Variants in NCOR1 observed in about 807,000 individuals in gnomAD.
NCOR1 encodes the protein nuclear receptor corepressor 1, also known as protein phosphatase 1, regulatory subunit 109.
Under a neutral mutation model 288.1 loss-of-function variants are expected in NCOR1, and 63 were observed. That is an observed-to-expected ratio of 0.22 (90% CI 0.18 to 0.27). The LOEUF is 0.27. Among genes scored for constraint, NCOR1 ranks in the 10% least tolerant of loss-of-function variants. The pLI, the probability that NCOR1 is intolerant of heterozygous loss-of-function variation, is 1.00. For synonymous variants in NCOR1, 1,007 were observed against 1,065.9 expected (o/e 0.94, Z 1.08); for missense variants, 2,397 against 3,019.2 (o/e 0.79, Z 4.83).
At chr17:16,183,230 C>CAAAAAAAAAAAAAAAAAAAAAA (rs59665102) in intron 3 of NCOR1, among the ~76,000 whole-genome samples, 1 of 64,084 alleles carries the variant, frequency 1.6e-5, no homozygotes, top group African/African-American at 4.6e-5. Flanking sequence ...AGCAATCAAA[C>CAAAAAAAAAAAAAAAAAAAAAA]AAAAAAAAAA....
intron 2 of NCOR1, among the ~76,000 whole-genome samples, chr17:16,192,798 T>C (rs2088782947): frequency 6.6e-6 from 1 of 152,196 alleles, no homozygotes; most frequent in Non-Finnish European, 1.5e-5. Context: ...ATTTTACTTA[T>C]AATAATCAAA....
At chr17:16,126,299 AATG>A (rs2074030212) in intron 14 of NCOR1, 93 bp from the exon 15 acceptor site, 1 of 1,273,092 alleles carries the variant, frequency 7.9e-7, no homozygotes, top group Non-Finnish European at 1.0e-6. Context: ...AAAAATTTTA[AATG>A]ATTGTTAGTC....
At chr17:16,142,275 A>T (rs1000691595) in intron 11 of NCOR1, among the ~76,000 whole-genome samples, 1 of 152,208 alleles carries the variant, frequency 6.6e-6, no homozygotes, top group Non-Finnish European at 1.5e-5. Flanking sequence ...ATTTTAGATT[A>T]AATCCACTTC....
Position 16,168,794 on chromosome 17 carries a change from AACCTCGTCTCC to A in NCOR1, c.435+2998_435+3008del, listed in dbSNP as rs2082539886. On this transcript the variant is annotated intron_variant, in intron 4 of 45. Coordinates refer to ENST00000268712, the MANE Select transcript of NCOR1 (RefSeq NM_006311.4). Reference sequence around the variant, plus strand: ...GAGACCAGCCTGGCCAACATGGTGAAACCTCGTCTCCACTAAAAATACAAAAATTAGCTGAA... The same window carrying A: ...GAGACCAGCCTGGCCAACATGGTGAAACTAAAAATACAAAAATTAGCTGAA... Among the ~76,000 whole-genome samples, 3 of 152,050 alleles carry A rather than the reference AACCTCGTCTCC, an allele frequency of 2.0e-5. No individual in the cohort carries two copies. The South Asian group carries it at 6.2e-4, about 32-fold the overall frequency.
intron 11 of NCOR1, among the ~76,000 whole-genome samples, chr17:16,139,985 A>G (rs995865924): frequency 6.6e-6 from 1 of 152,236 alleles, no homozygotes; most frequent in Non-Finnish European, 1.5e-5. Context: ...CAGTTTGAAC[A>G]CTATAGTGTT....
chr17:16,183,856 C>A (rs763845881), intron 3 of NCOR1, among the ~76,000 whole-genome samples: 1 of 152,010 alleles, frequency 6.6e-6, no homozygotes, highest in Admixed American at 6.6e-5. Context: ...TTACAGTAAT[C>A]AAAACAATAT....
chr17:16,053,337 C>T (rs1200773467), intron 40 of NCOR1, among the ~76,000 whole-genome samples: 1 of 152,162 alleles, frequency 6.6e-6, no homozygotes, highest in Admixed American at 6.5e-5. Flanking sequence ...GAAACAACTT[C>T]AGCAAAGTCT....
In NCOR1 at chr17:16,074,782, A is replaced by AAAAAAT. The variant is rs370396154; in HGVS notation, c.3670+746_3670+751dup. ...AGAAAATATAACAAGAATACATCTA[A>AAAAAAT]AAAAATGTACATAGACATTAAAATA... is the stretch of plus-strand genomic sequence containing the variant. On this transcript the variant is annotated intron_variant, in intron 27 of 45. Transcript: ENST00000268712. Among the ~76,000 whole-genome samples, 1,243 of 152,210 alleles carry AAAAAAT rather than the reference A, an allele frequency of 8.2e-3. 15 individuals are homozygous for AAAAAAT. Among genetic ancestry groups the AAAAAAT allele is most frequent in the African/African-American group, 0.028 (1,171 of 41,456 alleles).
At chr17:16,208,204 C>CTTTTTT (rs1172728183) in intron 1 of NCOR1, among the ~76,000 whole-genome samples, 3 of 61,412 alleles carry the variant, frequency 4.9e-5, no homozygotes, top group African/African-American at 1.8e-4. Context: ...CCATGCCCAG[C>CTTTTTT]TATTTTTTTT....
chr17:16,207,027 C>A (rs571302326), intron 1 of NCOR1, among the ~76,000 whole-genome samples: 1 of 152,102 alleles, frequency 6.6e-6, no homozygotes, highest in Non-Finnish European at 1.5e-5. Context: ...TTCCTCCCCC[C>A]CAACAGAATG....
At chr17:16,131,417 C>CATTACTACTATATATAAATGA (rs2075616562) in intron 14 of NCOR1, among the ~76,000 whole-genome samples, 1 of 151,986 alleles carries the variant, frequency 6.6e-6, no homozygotes, top group Non-Finnish European at 1.5e-5. Flanking sequence ...TGCTAAGATT[C>CATTACTACTATATATAAATGA]ATTACTACTA....
chr17:16,044,343 T>C, intron 42 of NCOR1: 1 of 468,676 alleles, frequency 2.1e-6, no homozygotes, highest in South Asian at 1.6e-5. Context: ...CCTTTTTTCC[T>C]TGGTGTTCAA....
At chr17:16,169,718 G>A (rs116341543) in intron 4 of NCOR1, among the ~76,000 whole-genome samples, 1 of 152,070 alleles carries the variant, frequency 6.6e-6, no homozygotes, top group Non-Finnish European at 1.5e-5. Context: ...AACACAACAC[G>A]TCCCATTTTA....
intron 41 of NCOR1, 82 bp from the exon 42 acceptor site, chr17:16,047,175 A>G: frequency 7.1e-7 from 1 of 1,407,640 alleles, no homozygotes; most frequent in Non-Finnish European, 9.6e-7. Context: ...CAACAGTCAG[A>G]GAGTACTTAG....
intron 19 of NCOR1, among the ~76,000 whole-genome samples, chr17:16,106,877 ATATATATTTTTTTT>A (rs1201069707): frequency 1.4e-4 from 8 of 55,396 alleles, no homozygotes; most frequent in Non-Finnish European, 1.9e-4. Flanking sequence ...ATATATATAT[ATATATATTTTTTTT>A]TTTTTTTTTT....
At chr17:16,109,269 A>T (rs1472519134) in intron 18 of NCOR1, among the ~76,000 whole-genome samples, 1 of 152,050 alleles carries the variant, frequency 6.6e-6, no homozygotes, top group East Asian at 1.9e-4. Flanking sequence ...TTCTAAAGAT[A>T]ATATATACCT....
chr17:16,051,127 C>T (rs1338351770), intron 40 of NCOR1, among the ~76,000 whole-genome samples: 2 of 152,254 alleles, frequency 1.3e-5, no homozygotes, highest in Non-Finnish European at 1.5e-5. Flanking sequence ...GTGTCAGCCA[C>T]TGTGCTGGCT....
chr17:16,091,566 C>T, intron 22 of NCOR1: 7 of 1,191,220 alleles, frequency 5.9e-6, no homozygotes, highest in Non-Finnish European at 7.4e-6. Flanking sequence ...TCTGAAAATT[C>T]AGATGAACGG....
At chr17:16,062,321 G>A (rs765317990) in intron 35 of NCOR1, 51 bp from the exon 36 acceptor site, 1 of 1,517,060 alleles carries the variant, frequency 6.6e-7, no homozygotes, top group Non-Finnish European at 8.8e-7. Flanking sequence ...GGAAGCCAGA[G>A]ACAAAAGGAA....
Sources: gnomAD v4.1 joint callset for allele counts (sites outside exome capture counted in the v4.1 genomes callset) on GRCh38, gnomAD v4.1.1 for gene constraint, MANE v1.5 for transcripts, NCBI Gene and HGNC (gene_info 2026-07-23, HGNC 2026-07-21) for gene names.